Variants in NBEA observed in about 807,000 individuals in gnomAD.
NBEA encodes lysosomal-trafficking regulator 2.
Under a neutral mutation model 343.4 loss-of-function variants are expected in NBEA, and 44 were observed. The observed-to-expected ratio is 0.13, with a 90% CI of 0.10 to 0.16. The LOEUF is 0.16. Among genes scored for constraint, NBEA ranks in the 10% least tolerant of loss-of-function variants. NBEA has a pLI of 1.00. For synonymous variants in NBEA, 1,175 were observed against 1,238.7 expected (o/e 0.95, Z 1.08); for missense variants, 2,555 against 3,631.3 (o/e 0.70, Z 7.62).
At chr13:35,016,589 TACACACACAC>T (rs66655195) in intron 1 of NBEA, among the ~76,000 whole-genome samples, 53 of 148,284 alleles carry the variant, frequency 3.6e-4, no homozygotes, top group Middle Eastern at 6.8e-3. Flanking sequence ...TGTATGTGTA[TACACACACAC>T]ACACACACAC....
At position 34,942,762 on chromosome 13, in the gene NBEA, A is replaced by C; in HGVS notation, c.-59A>C. The C allele has an allele frequency of 4.8e-5, 59 of 1,218,002 alleles. No individual in the cohort carries two copies. The highest frequency in any genetic ancestry group is 3.1e-4 in the Middle Eastern group (1 of 3,214). The allele number at this position is 1,218,002 out of a possible 1,614,324, so 75.4% of individuals were successfully genotyped here. A position where few individuals can be genotyped will look rare whatever the true frequency, so the allele number is the denominator to read the frequency against. ...CCGGGGGGCGGGGGCCGAGGCAGGTATAACGGTACCGGCGGCGGCAGCGCC... is the reference window on the plus strand; with the variant it reads ...CCGGGGGGCGGGGGCCGAGGCAGGTCTAACGGTACCGGCGGCGGCAGCGCC... On this transcript the variant is annotated 5_prime_UTR_variant, in exon 1 of 59. Coordinates refer to ENST00000379939, the MANE Select transcript of NBEA (RefSeq NM_001385012.1).
chr13:35,397,326 C>T (rs961307333), intron 38 of NBEA, among the ~76,000 whole-genome samples: 2 of 152,160 alleles, frequency 1.3e-5, no homozygotes, highest in African/African-American at 2.4e-5. Context: ...TCCTTTTCAT[C>T]ATTGAGCTGT....
chr13:35,536,141 T>TCGGGTTGGG, intron 41 of NBEA, among the ~76,000 whole-genome samples: 1 of 152,242 alleles, frequency 6.6e-6, no homozygotes, highest in Admixed American at 6.5e-5. Context: ...CTTCACAAAC[T>TCGGGTTGGG]CGGAACCCAT....
intron 18 of NBEA, among the ~76,000 whole-genome samples, chr13:35,153,400 C>G (rs1293567936): frequency 6.6e-6 from 1 of 152,018 alleles, no homozygotes; most frequent in Admixed American, 6.6e-5. Flanking sequence ...ATGCCTGCCT[C>G]CAGAACAATA....
At chr13:35,300,995 C>T (rs187088582) in intron 35 of NBEA, among the ~76,000 whole-genome samples, 3 of 152,180 alleles carry the variant, frequency 2.0e-5, no homozygotes, top group Admixed American at 2.0e-4. Flanking sequence ...CTGTCATTCA[C>T]AAATTATTAA....
intron 12 of NBEA, among the ~76,000 whole-genome samples, chr13:35,110,052 A>ATTTTTTTTTTTTTTTTTTTTTTTT (rs1566299499): frequency 1.0e-4 from 9 of 89,236 alleles, no homozygotes; most frequent in Admixed American, 2.9e-4. Flanking sequence ...TTTTTTTTTT[A>ATTTTTTTTTTTTTTTTTTTTTTTT]AATGTTTTTT....
chr13:35,084,426 A>G (rs2064613170), intron 10 of NBEA, among the ~76,000 whole-genome samples: 1 of 152,110 alleles, frequency 6.6e-6, no homozygotes, highest in Non-Finnish European at 1.5e-5. Context: ...GGATTAAGAA[A>G]CTCACTCAAA....
intron 34 of NBEA, among the ~76,000 whole-genome samples, chr13:35,254,228 C>T (rs1457344948): frequency 6.6e-6 from 1 of 151,490 alleles, no homozygotes; most frequent in African/African-American, 2.4e-5. Context: ...CCAGAATCTT[C>T]AGGGGTAATA....
intron 44 of NBEA, among the ~76,000 whole-genome samples, chr13:35,557,900 C>A (rs1269825250): frequency 6.6e-6 from 1 of 151,956 alleles, no homozygotes; most frequent in Non-Finnish European, 1.5e-5. Context: ...ATTCAGTGGA[C>A]AGAATTATCA....
intron 55 of NBEA, among the ~76,000 whole-genome samples, chr13:35,660,072 C>G (rs904642997): frequency 6.6e-6 from 1 of 152,178 alleles, no homozygotes; most frequent in African/African-American, 2.4e-5. Flanking sequence ...CCATCTCTGA[C>G]TGGTGTTCTT....
intron 1 of NBEA, among the ~76,000 whole-genome samples, chr13:35,032,702 C>G (rs1328403627): frequency 2.0e-5 from 3 of 151,704 alleles, no homozygotes; most frequent in African/African-American, 7.2e-5. Context: ...ACATTTTTAA[C>G]TGGGGTGAGA....
intron 1 of NBEA, among the ~76,000 whole-genome samples, chr13:34,945,906 G>A (rs1056525989): frequency 6.6e-6 from 1 of 152,070 alleles, no homozygotes; most frequent in African/African-American, 2.4e-5. Flanking sequence ...TCAACAGAGC[G>A]GTGGCTGTAA....
At chr13:35,588,437 C>CCT (rs35726640) in intron 46 of NBEA, among the ~76,000 whole-genome samples, 16,005 of 152,032 alleles carry the variant, frequency 0.11, 1,019 homozygotes, top group African/African-American at 0.18. Flanking sequence ...AAGTGTCTGT[C>CCT]CTTTACCTTA....
chr13:35,088,286 G>A (rs535155174), intron 10 of NBEA, among the ~76,000 whole-genome samples: 2 of 151,958 alleles, frequency 1.3e-5, no homozygotes, highest in East Asian at 3.9e-4. Flanking sequence ...AAGGTAACAG[G>A]TTTAATATAA....
intron 41 of NBEA, among the ~76,000 whole-genome samples, chr13:35,478,842 C>T (rs904864699): frequency 4.6e-5 from 7 of 152,212 alleles, no homozygotes; most frequent in African/African-American, 1.7e-4. Flanking sequence ...CCTTGGTTGT[C>T]AAGGACGTGA....
chr13:35,271,981 A>G (rs568685575), intron 34 of NBEA, among the ~76,000 whole-genome samples: 1 of 152,304 alleles, frequency 6.6e-6, no homozygotes, highest in African/African-American at 2.4e-5. Context: ...ACAGGCCAAC[A>G]TTCAAATTCA....
intron 55 of NBEA, among the ~76,000 whole-genome samples, chr13:35,661,567 C>A (rs2085090911): frequency 6.6e-6 from 1 of 152,128 alleles, no homozygotes; most frequent in South Asian, 2.1e-4. Context: ...TTGGGAAATG[C>A]GGGTCCAAGT....
At chr13:35,525,161 C>G (rs1488467421) in intron 41 of NBEA, among the ~76,000 whole-genome samples, 1 of 152,176 alleles carries the variant, frequency 6.6e-6, no homozygotes, top group Non-Finnish European at 1.5e-5. Context: ...TATTTACTTA[C>G]CTTGCTTTAG....
At chr13:35,254,494 A>G (rs940891495) in intron 34 of NBEA, among the ~76,000 whole-genome samples, 1 of 151,658 alleles carries the variant, frequency 6.6e-6, no homozygotes, top group African/African-American at 2.4e-5. Context: ...ATTTTTTAAA[A>G]AATTTTTTGT....
Sources: gnomAD v4.1 joint callset for allele counts (sites outside exome capture counted in the v4.1 genomes callset) on GRCh38, gnomAD v4.1.1 for gene constraint, MANE v1.5 for transcripts, NCBI Gene and HGNC (gene_info 2026-07-23, HGNC 2026-07-21) for gene names.